The following CHRDL1 variants were observed in gnomAD, a reference collection of about 807,000 sequenced individuals.
The protein encoded by CHRDL1 is chordin like 1.
A neutral mutation model predicts 40.9 loss-of-function variants in CHRDL1; 19 were observed. That is an observed-to-expected ratio of 0.46 (90% CI 0.32 to 0.68). CHRDL1 has a LOEUF of 0.68. Ranked by LOEUF, CHRDL1 falls within the 30% of genes least tolerant of loss-of-function variation. The pLI, the probability that CHRDL1 is intolerant of heterozygous loss-of-function variation, is 0.03. For synonymous variants in CHRDL1, 136 were observed against 123.4 expected (o/e 1.10, Z -0.68); for missense variants, 329 against 352.1 (o/e 0.93, Z 0.53).
chrX:110,693,200 TAAG>T (rs1232127629), intron 8 of CHRDL1, among the ~76,000 whole-genome samples: 1 of 110,951 alleles, frequency 9.0e-6, no homozygotes, highest in Non-Finnish European at 1.9e-5. Context: ...AAATGCTGTG[TAAG>T]AAGACATTGG....
chrX:110,762,890 C>A, intron 2 of CHRDL1, 83 bp from the exon 3 acceptor site: 1 of 565,138 alleles, frequency 1.8e-6, no homozygotes, highest in South Asian at 2.5e-5. Flanking sequence ...AAGTTCCATC[C>A]ATTTTATTAT....
chrX:110,760,805 A>AT (rs757731172), intron 3 of CHRDL1, among the ~76,000 whole-genome samples: 1 of 111,044 alleles, frequency 9.0e-6, no homozygotes, highest in South Asian at 3.9e-4. Flanking sequence ...TTCTAGAATA[A>AT]TTTTTTTTGG....
chrX:110,689,572 C>CTATATATCTATATATCTA (rs1569461762), intron 8 of CHRDL1, among the ~76,000 whole-genome samples: 190 of 3,281 alleles, frequency 0.058, 57 homozygotes, highest in Admixed American at 0.083. Flanking sequence ...CTATATATAT[C>CTATATATCTATATATCTA]TATATATCTA....
chrX:110,752,625 G>C (rs1303077445), intron 4 of CHRDL1, among the ~76,000 whole-genome samples: 2 of 110,437 alleles, frequency 1.8e-5, no homozygotes, highest in Admixed American at 9.7e-5. Context: ...GAATCCTCAG[G>C]CTTTTGGATA....
intron 2 of CHRDL1, among the ~76,000 whole-genome samples, chrX:110,787,174 G>A (rs970779203): frequency 8.9e-6 from 1 of 111,749 alleles, no homozygotes; most frequent in Non-Finnish European, 1.9e-5. Flanking sequence ...AACTTACTAT[G>A]TGCCAGCCAC....
chrX:110,686,591 T>C (rs2070020989), intron 9 of CHRDL1, among the ~76,000 whole-genome samples: 1 of 111,287 alleles, frequency 9.0e-6, no homozygotes, highest in South Asian at 3.8e-4. Flanking sequence ...TAATAGGTCA[T>C]TGTTGCTGGG....
intron 6 of CHRDL1, among the ~76,000 whole-genome samples, chrX:110,718,812 C>T (rs781070763): frequency 2.1e-4 from 23 of 111,936 alleles, no homozygotes; most frequent in African/African-American, 7.5e-4. Flanking sequence ...TATTATTTGT[C>T]TTTTCTGGTG....
chrX:110,679,837 G>A (rs985003828), intron 10 of CHRDL1, among the ~76,000 whole-genome samples: 1 of 112,257 alleles, frequency 8.9e-6, no homozygotes, highest in South Asian at 3.7e-4. Flanking sequence ...TAAGCACTGA[G>A]AGCCTGCAGT....
chrX:110,718,528 T>C (rs1475529932), intron 6 of CHRDL1, among the ~76,000 whole-genome samples: 1 of 112,186 alleles, frequency 8.9e-6, no homozygotes, highest in Non-Finnish European at 1.9e-5. Flanking sequence ...CCACAATCAC[T>C]ACATTTCAGC....
At chrX:110,791,785 AG>A (rs1435697455) in intron 2 of CHRDL1, among the ~76,000 whole-genome samples, 1 of 112,019 alleles carries the variant, frequency 8.9e-6, no homozygotes. Context: ...ATATTTCTAG[AG>A]TTACGTAAAA....
intron 4 of CHRDL1, among the ~76,000 whole-genome samples, chrX:110,756,393 T>C (rs893330089): frequency 2.7e-5 from 3 of 111,059 alleles, no homozygotes; most frequent in South Asian, 3.9e-4. Flanking sequence ...CCATGTGAAG[T>C]TGGGGACTAG....
intron 2 of CHRDL1, among the ~76,000 whole-genome samples, chrX:110,776,999 C>A (rs759888871): frequency 9.0e-6 from 1 of 111,470 alleles, no homozygotes; most frequent in African/African-American, 3.2e-5. Flanking sequence ...TCTGCCTATT[C>A]ATTCCTGTCT....
At position 110,723,238 on chromosome X, in the gene CHRDL1, G is replaced by A. The variant is rs548609028; in HGVS notation, c.302-1708C>T. On this transcript the variant is annotated intron_variant, in intron 4 of 11. Transcript: ENST00000372042. The stretch of plus-strand genomic sequence containing the variant: ...TGCACTCCAGCCTGGGCGACAGAGC[G>A]AGACTCCATCTCAAAAAACAAACAA... Among the ~76,000 whole-genome samples the A allele has an allele frequency of 1.6e-4, 18 of 111,180 alleles. No homozygotes were observed. In the South Asian group the frequency reaches 6.1e-3, roughly 38 times the overall value.
chrX:110,682,166 A>C (rs1398003344), intron 9 of CHRDL1, among the ~76,000 whole-genome samples: 1 of 112,192 alleles, frequency 8.9e-6, no homozygotes, highest in Non-Finnish European at 1.9e-5. Flanking sequence ...TTATGTGCAT[A>C]TACTTGCCCA....
In CHRDL1 at chrX:110,676,100, G is replaced by T; in HGVS notation, c.*131C>A. 3.1e-6 allele frequency: 2 copies of T among 639,918 alleles called. No individual in the cohort carries two copies. Among genetic ancestry groups the T allele is most frequent in the Middle Eastern group, 3.4e-4 (1 of 2,905 alleles). 52.7% of individuals were successfully genotyped at this position (639,918 alleles called of 1,213,427 possible). A position where few individuals can be genotyped will look rare whatever the true frequency, so the allele number is the denominator to read the frequency against. ...CACACAAAGGAGCAAATTATGCTGT[G>T]CATGGCGTGAATAATTGACTGCATT... On this transcript the variant is annotated 3_prime_UTR_variant, in exon 12 of 12. Coordinates refer to ENST00000372042, the MANE Select transcript of CHRDL1 (RefSeq NM_001143981.2).
chrX:110,720,022 G>A (rs2070919554), intron 5 of CHRDL1, 94 bp from the exon 6 acceptor site: 4 of 472,387 alleles, frequency 8.5e-6, no homozygotes, highest in East Asian at 3.9e-5. Context: ...CTCAAAACAC[G>A]GCATGTCCTT....
intron 2 of CHRDL1, among the ~76,000 whole-genome samples, chrX:110,774,040 A>G (rs1207018651): frequency 9.0e-6 from 1 of 111,521 alleles, no homozygotes; most frequent in African/African-American, 3.3e-5. Context: ...TGCCTCACAT[A>G]TTTTGATGCT....
intron 4 of CHRDL1, among the ~76,000 whole-genome samples, chrX:110,732,564 C>T (rs974461072): frequency 8.9e-6 from 1 of 111,954 alleles, no homozygotes; most frequent in Non-Finnish European, 1.9e-5. Flanking sequence ...TCCCAGCTCT[C>T]CCCCTCCTCA....
intron 4 of CHRDL1, among the ~76,000 whole-genome samples, chrX:110,739,309 C>G (rs1008455223): frequency 8.9e-6 from 1 of 112,114 alleles, no homozygotes; most frequent in Admixed American, 9.4e-5. Context: ...AAACCCATCT[C>G]CATCCTCCAC....
Sources: allele counts gnomAD v4.1 joint callset (sites outside exome capture counted in the v4.1 genomes callset), GRCh38; gene constraint gnomAD v4.1.1; transcripts MANE v1.5; gene names NCBI Gene and HGNC (gene_info 2026-07-23, HGNC 2026-07-21).